GALNTL6: variants seen among roughly 807,000 people sequenced by gnomAD.
GALNTL6 encodes the protein polypeptide N-acetylgalactosaminyltransferase-like 6.
A neutral mutation model predicts 73.7 loss-of-function variants in GALNTL6; 46 were observed. The observed-to-expected ratio is 0.62, with a 90% CI of 0.49 to 0.80. The LOEUF is 0.80. Among genes scored for constraint, GALNTL6 ranks in the 30% least tolerant of loss-of-function variants. The probability of loss-of-function intolerance (pLI) is 0.00; values close to 1 mark genes in which losing one functional copy is unlikely to be tolerated. For synonymous variants in GALNTL6, 259 were observed against 263.7 expected, an observed-to-expected ratio of 0.98 and a Z score of 0.17; for missense variants, 604 against 755.0, an observed-to-expected ratio of 0.80 and a Z score of 2.34.
At chr4:172,385,151 G>A (rs1743421345) in intron 5 of GALNTL6, among the ~76,000 whole-genome samples, 1 of 151,256 alleles carries the variant, frequency 6.6e-6, no homozygotes, top group South Asian at 2.1e-4. Flanking sequence ...AAGAGATGAT[G>A]AACAATTTAA....
At chr4:172,320,523 G>A (rs1356751550) in intron 4 of GALNTL6, among the ~76,000 whole-genome samples, 1 of 152,188 alleles carries the variant, frequency 6.6e-6, no homozygotes, top group African/African-American at 2.4e-5. Context: ...ATTGTACGGT[G>A]GTGGTTTGTA....
chr4:172,537,874 G>T (rs1442502940), intron 5 of GALNTL6, among the ~76,000 whole-genome samples: 2 of 152,170 alleles, frequency 1.3e-5, no homozygotes, highest in Non-Finnish European at 2.9e-5. Flanking sequence ...GCGATAAAGT[G>T]CCATTGAACA....
At chr4:172,611,602 A>AT (rs1466443990) in intron 5 of GALNTL6, among the ~76,000 whole-genome samples, 2 of 151,802 alleles carry the variant, frequency 1.3e-5, no homozygotes, top group East Asian at 3.9e-4. Context: ...TATCTTTGAA[A>AT]TTTTTTCTTT....
chr4:172,710,641 T>C (rs569933484), intron 5 of GALNTL6, among the ~76,000 whole-genome samples: 3 of 152,290 alleles, frequency 2.0e-5, no homozygotes, highest in African/African-American at 7.2e-5. Context: ...TATTGGGTAG[T>C]TTTGTGTTGT....
At chr4:172,264,583 T>TGCCA (rs1193687586) in intron 3 of GALNTL6, among the ~76,000 whole-genome samples, 2 of 101,612 alleles carry the variant, frequency 2.0e-5, no homozygotes, top group African/African-American at 7.7e-5. Context: ...TATATATATA[T>TGCCA]ATATATATAT....
At chr4:172,749,170 A>C (rs79992808) in intron 5 of GALNTL6, among the ~76,000 whole-genome samples, 2,185 of 152,106 alleles carry the variant, frequency 0.014, 68 homozygotes, top group African/African-American at 0.049. Context: ...TTTGTCAATT[A>C]AAAATTTAAA....
intron 5 of GALNTL6, among the ~76,000 whole-genome samples, chr4:172,587,852 G>A (rs1023319476): frequency 6.6e-6 from 1 of 152,148 alleles, no homozygotes; most frequent in Non-Finnish European, 1.5e-5. Context: ...TCACACATGA[G>A]CTGTGCTTTA....
intron 10 of GALNTL6, among the ~76,000 whole-genome samples, chr4:172,956,623 G>A (rs1749766212): frequency 6.6e-6 from 1 of 152,136 alleles, no homozygotes; most frequent in Non-Finnish European, 1.5e-5. Flanking sequence ...GTTTTTTGGG[G>A]CACAGTCCAA....
At chr4:171,872,510 C>T (rs1300725783) in intron 2 of GALNTL6, among the ~76,000 whole-genome samples, 1 of 152,104 alleles carries the variant, frequency 6.6e-6, no homozygotes, top group Non-Finnish European at 1.5e-5. Flanking sequence ...GCTGCCATAA[C>T]AAAGTAACAC....
chr4:172,466,965 G>C (rs1732847102), intron 5 of GALNTL6, among the ~76,000 whole-genome samples: 1 of 152,162 alleles, frequency 6.6e-6, no homozygotes, highest in South Asian at 2.1e-4. Flanking sequence ...CGCTGCAACT[G>C]ATTTTAGCTT....
Position 172,395,384 on chromosome 4 carries a change from T to G in GALNTL6, c.553+46695T>G, listed in dbSNP as rs545397011. ...GAGTCAAACAGAAAAGTTGTAAATC[T>G]CTGCTTTTTGTATGTTTTCATTTTT... On this transcript the variant is annotated intron_variant, in intron 5 of 12. Coordinates refer to ENST00000506823, the MANE Select transcript of GALNTL6 (RefSeq NM_001034845.3). 3.3e-5 allele frequency among the ~76,000 whole-genome samples: 5 copies of G among 152,320 alleles called. No homozygotes were observed. The South Asian group carries it at 1.0e-3, about 32-fold the overall frequency.
intron 2 of GALNTL6, among the ~76,000 whole-genome samples, chr4:172,216,408 T>C (rs908491720): frequency 1.3e-5 from 2 of 152,136 alleles, no homozygotes; most frequent in African/African-American, 2.4e-5. Flanking sequence ...ATATGTCCTT[T>C]AGAAGTATTA....
At chr4:172,627,820 T>C (rs551190640) in intron 5 of GALNTL6, among the ~76,000 whole-genome samples, 159 of 152,188 alleles carry the variant, frequency 1.0e-3, no homozygotes, top group African/African-American at 3.7e-3. Flanking sequence ...TCTGAGAATT[T>C]TTTGTATTTC....
intron 5 of GALNTL6, among the ~76,000 whole-genome samples, chr4:172,614,782 A>G (rs1194149626): frequency 6.6e-6 from 1 of 152,154 alleles, no homozygotes; most frequent in Non-Finnish European, 1.5e-5. Flanking sequence ...CGTAAGCCTA[A>G]TAAGGTGGGT....
At chr4:172,013,517 T>C (rs1411444488) in intron 2 of GALNTL6, among the ~76,000 whole-genome samples, 1 of 152,072 alleles carries the variant, frequency 6.6e-6, no homozygotes, top group Non-Finnish European at 1.5e-5. Context: ...TTAACTAGTA[T>C]ATAAATGTTT....
intron 5 of GALNTL6, among the ~76,000 whole-genome samples, chr4:172,742,568 G>A (rs1402754655): frequency 6.6e-6 from 1 of 151,956 alleles, no homozygotes; most frequent in Non-Finnish European, 1.5e-5. Flanking sequence ...TACAGGGATA[G>A]GTAAGGAAAA....
intron 5 of GALNTL6, among the ~76,000 whole-genome samples, chr4:172,588,421 C>G (rs1737505184): frequency 6.6e-6 from 1 of 151,880 alleles, no homozygotes; most frequent in Non-Finnish European, 1.5e-5. Context: ...TGATGAAACC[C>G]TGTCTCAGCA....
At chr4:172,252,165 GA>G (rs762343873) in intron 3 of GALNTL6, among the ~76,000 whole-genome samples, 4 of 152,178 alleles carry the variant, frequency 2.6e-5, no homozygotes, top group South Asian at 4.1e-4. Context: ...TGGATATCAA[GA>G]AAGATTTCAG....
intron 10 of GALNTL6, among the ~76,000 whole-genome samples, chr4:172,959,210 T>C (rs575984280): frequency 1.7e-4 from 26 of 151,920 alleles, no homozygotes; most frequent in African/African-American, 5.8e-4. Context: ...CCTATACTTG[T>C]GGTTTAAGGT....
Sources: gnomAD v4.1 joint callset for allele counts (sites outside exome capture counted in the v4.1 genomes callset) on GRCh38, gnomAD v4.1.1 for gene constraint, MANE v1.5 for transcripts, NCBI Gene and HGNC (gene_info 2026-07-23, HGNC 2026-07-21) for gene names.